The following ZPBP variants were observed in gnomAD, a reference collection of about 807,000 sequenced individuals.
The protein encoded by ZPBP is zona pellucida-binding protein 1.
Under a neutral mutation model 44.8 loss-of-function variants are expected in ZPBP, and 26 were observed. That is an observed-to-expected ratio of 0.58 (90% CI 0.43 to 0.81). ZPBP has a LOEUF of 0.81. Ranked by LOEUF, ZPBP falls within the 30% of genes least tolerant of loss-of-function variation. The pLI is 0.00. For missense variants in ZPBP, 409 were observed against 434.0 expected (o/e 0.94, Z 0.51); for synonymous variants, 174 against 153.2 (o/e 1.14, Z -1.00).
At chr7:49,854,162 C>G (rs1389668558) in intron 2 of ZPBP, among the ~76,000 whole-genome samples, 17 of 152,108 alleles carry the variant, frequency 1.1e-4, no homozygotes, top group Non-Finnish European at 1.5e-5. Flanking sequence ...GTGAATAGTG[C>G]CGCAATAAGC....
intron 2 of ZPBP, among the ~76,000 whole-genome samples, chr7:49,871,989 AAGAATAAGGGG>A (rs1791179513): frequency 6.7e-6 from 1 of 149,544 alleles, no homozygotes; most frequent in African/African-American, 2.5e-5. Context: ...GGAGGGTAGG[AAGAATAAGGGG>A]AGACAAGAAA....
At chr7:49,939,944 C>G (rs189133337) in intron 7 of ZPBP, among the ~76,000 whole-genome samples, 1 of 152,144 alleles carries the variant, frequency 6.6e-6, no homozygotes, top group Non-Finnish European at 1.5e-5. Context: ...CATTCCATAA[C>G]TGACCATCTG....
At chr7:50,086,344 A>G (rs1802648608) in intron 2 of ZPBP, among the ~76,000 whole-genome samples, 1 of 152,046 alleles carries the variant, frequency 6.6e-6, no homozygotes, top group South Asian at 2.1e-4. Context: ...TATGCATAAA[A>G]AGGTAGCCCA....
intron 1 of ZPBP, chr7:49,917,386 A>G (rs969167045): frequency 1.3e-5 from 2 of 152,230 alleles, no homozygotes; most frequent in Non-Finnish European, 2.9e-5. Context: ...GTATTCAGCC[A>G]AAGTTTCAAT....
At chr7:49,983,585 A>C (rs1797124889) in intron 6 of ZPBP, 66 bp from the exon 7 acceptor site, 1 of 975,872 alleles carries the variant, frequency 1.0e-6, no homozygotes, top group Admixed American at 2.6e-5. Context: ...ACAAATAAGG[A>C]TGCATGTGGA....
At chr7:49,862,612 C>T (rs577533300) in intron 2 of ZPBP, among the ~76,000 whole-genome samples, 1 of 151,152 alleles carries the variant, frequency 6.6e-6, no homozygotes, top group African/African-American at 2.4e-5. Flanking sequence ...TCATAAAAGA[C>T]TTTATGATGA....
downstream of ZPBP, among the ~76,000 whole-genome samples, chr7:49,933,616 G>A (rs13228830): frequency 0.75 from 113,878 of 152,032 alleles, 42,890 homozygotes; most frequent in East Asian, 0.89. Flanking sequence ...TGTTTATTGC[G>A]GCACTATTTA....
In ZPBP at chr7:49,852,037, C is replaced by T. The variant is rs181396737; in HGVS notation, n.510-1523G>A. On this transcript the variant is annotated intron_variant and non_coding_transcript_variant, in intron 2 of 2. Transcript: ENST00000465922. The stretch of plus-strand genomic sequence containing the variant: ...GTCAGCCTAGGGTCCGGATTTAATC[C>T]GGATTAAACCAATAACTGTATTGAG... Among the ~76,000 whole-genome samples the T allele has an allele frequency of 9.2e-5, 14 of 152,254 alleles. No individual in the cohort carries two copies. In the South Asian group the frequency reaches 1.0e-3, roughly 11 times the overall value.
At chr7:49,896,849 G>A (rs557682763) in intron 2 of ZPBP, among the ~76,000 whole-genome samples, 6 of 149,750 alleles carry the variant, frequency 4.0e-5, no homozygotes, top group Non-Finnish European at 5.9e-5. Flanking sequence ...GAAATAATTC[G>A]CTTGAGAACT....
At chr7:49,955,998 T>G (rs944087802) in intron 7 of ZPBP, among the ~76,000 whole-genome samples, 1 of 152,218 alleles carries the variant, frequency 6.6e-6, no homozygotes, top group Non-Finnish European at 1.5e-5. Flanking sequence ...CTTATCATTT[T>G]GTTGTTATGG....
At chr7:49,964,149 T>TGATAA (rs1328228558) in intron 7 of ZPBP, among the ~76,000 whole-genome samples, 4 of 151,952 alleles carry the variant, frequency 2.6e-5, no homozygotes, top group Non-Finnish European at 4.4e-5. Context: ...TTTCTTAATC[T>TGATAA]GATAAAGGGT....
intron 6 of ZPBP, among the ~76,000 whole-genome samples, chr7:50,007,544 A>G (rs1317134224): frequency 6.6e-6 from 1 of 152,050 alleles, no homozygotes; most frequent in African/African-American, 2.4e-5. Context: ...TATGAGGCCA[A>G]TACTGCCCTA....
At chr7:50,074,837 C>G (rs1311779650) in intron 3 of ZPBP, among the ~76,000 whole-genome samples, 1 of 151,864 alleles carries the variant, frequency 6.6e-6, no homozygotes. Context: ...TTCAACACCC[C>G]ACTTTCAGCA....
chr7:49,899,038 C>T (rs1275131807), intron 2 of ZPBP, among the ~76,000 whole-genome samples: 1 of 151,836 alleles, frequency 6.6e-6, no homozygotes, highest in Non-Finnish European at 1.5e-5. Flanking sequence ...GCTATATACA[C>T]CAAGAAACAG....
At chr7:49,865,548 T>C (rs1790848589) in intron 2 of ZPBP, among the ~76,000 whole-genome samples, 2 of 152,216 alleles carry the variant, frequency 1.3e-5, no homozygotes. Flanking sequence ...ATAAGCTAAC[T>C]CATAATCCTC....
At chr7:50,073,852 A>G (rs1268342706) in intron 3 of ZPBP, among the ~76,000 whole-genome samples, 2 of 152,162 alleles carry the variant, frequency 1.3e-5, no homozygotes, top group African/African-American at 4.8e-5. Context: ...CCAGACACAC[A>G]AAAGCTGAGG....
At chr7:50,019,779 C>A (rs1002581825) in intron 5 of ZPBP, among the ~76,000 whole-genome samples, 2 of 152,010 alleles carry the variant, frequency 1.3e-5, no homozygotes, top group Admixed American at 6.6e-5. Context: ...ATAGACAAGA[C>A]AACAAAATCC....
At chr7:49,946,880 A>G (rs1195378038) in intron 7 of ZPBP, among the ~76,000 whole-genome samples, 1 of 152,030 alleles carries the variant, frequency 6.6e-6, no homozygotes, top group Non-Finnish European at 1.5e-5. Flanking sequence ...GACATGCTTC[A>G]TCTTTTTGTC....
At chr7:49,857,432 C>T (rs1790471676) in intron 2 of ZPBP, among the ~76,000 whole-genome samples, 1 of 152,152 alleles carries the variant, frequency 6.6e-6, no homozygotes, top group Non-Finnish European at 1.5e-5. Flanking sequence ...ATCCATCTGT[C>T]CAGGGGCACT....
Sources: gnomAD v4.1 joint callset for allele counts (sites outside exome capture counted in the v4.1 genomes callset) on GRCh38, gnomAD v4.1.1 for gene constraint, MANE v1.5 for transcripts, NCBI Gene and HGNC (gene_info 2026-07-23, HGNC 2026-07-21) for gene names.